Variants in PCDHA11 observed in about 807,000 individuals in gnomAD.
The protein encoded by PCDHA11 is protocadherin alpha 11.
In PCDHA11, 61 loss-of-function variants were observed where a neutral mutation model predicts 70.3. The ratio of observed to expected loss-of-function variants is 0.87; its 90% confidence interval spans 0.71 to 1.07. PCDHA11 has a LOEUF of 1.07. Ranked by LOEUF, PCDHA11 falls within the 50% of genes least tolerant of loss-of-function variation. The pLI is 0.00. For synonymous variants in PCDHA11, 633 were observed against 555.1 expected, an observed-to-expected ratio of 1.14 and a Z score of -1.97; for missense variants, 1,324 against 1,237.5, an observed-to-expected ratio of 1.07 and a Z score of -1.05.
chr5:140,925,395 GCCT>G (rs2082476248), intron 1 of PCDHA11, among the ~76,000 whole-genome samples: 1 of 151,998 alleles, frequency 6.6e-6, no homozygotes, highest in Non-Finnish European at 1.5e-5. Flanking sequence ...CTTTTGGCTC[GCCT>G]CCTTCTTAGG....
intron 1 of PCDHA11, among the ~76,000 whole-genome samples, chr5:140,890,446 T>A (rs1554184296): frequency 6.6e-6 from 1 of 152,228 alleles, no homozygotes; most frequent in Non-Finnish European, 1.5e-5. Context: ...CCTAGTGATA[T>A]CTTTAGGCAC....
chr5:140,870,468 A>G lies in PCDHA11; in HGVS notation c.1365A>G (p.Ala455=). The G allele has an allele frequency of 1.2e-6, 2 of 1,614,214 alleles. No homozygotes were observed. Among genetic ancestry groups the G allele is most frequent in the Non-Finnish European group, 8.5e-7 (1 of 1,180,044 alleles). ...TGAACGACAATGCGCCTGCGTTCGC[A>G]CAGCCCGAGTACACCGTGTTCGTGA... ...ADVNDNAPAF[A]QPEYTVFVKE... is the part of the protein sequence containing the mutation. The change falls in exon 1 of 4, where the codon GCA becomes GCG. Residue 455 remains alanine (A), a synonymous_variant. Coordinates refer to ENST00000398640, the MANE Select transcript of PCDHA11 (RefSeq NM_018902.5).
intron 1 of PCDHA11, among the ~76,000 whole-genome samples, chr5:140,940,808 T>C (rs781904662): frequency 3.3e-5 from 5 of 152,232 alleles, no homozygotes; most frequent in Non-Finnish European, 7.3e-5. Context: ...TGCCAGGATA[T>C]CCTGAGATCT....
intron 1 of PCDHA11, among the ~76,000 whole-genome samples, chr5:140,959,151 C>CAG (rs782425604): frequency 2.0e-4 from 30 of 152,084 alleles, no homozygotes; most frequent in African/African-American, 7.0e-4. Context: ...CCAAAGTGGG[C>CAG]AGATTGCTTG....
chr5:141,009,482 C>A, intron 3 of PCDHA11, 145 bp from the exon 4 acceptor site: 1 of 1,446,086 alleles, frequency 6.9e-7, no homozygotes, highest in Non-Finnish European at 9.1e-7. Flanking sequence ...TAAACACTTG[C>A]CTTGCCCTCA....
chr5:140,926,548 A>C, intron 1 of PCDHA11: 1 of 226,392 alleles, frequency 4.4e-6, no homozygotes, highest in Non-Finnish European at 8.5e-6. Flanking sequence ...GGTGGTCGAG[A>C]CCCCAGCCCG....
At chr5:140,876,750 T>C (rs2056553251) in intron 1 of PCDHA11, 7 of 1,614,238 alleles carry the variant, frequency 4.3e-6, no homozygotes, top group African/African-American at 1.3e-5. Flanking sequence ...TGGTGGTGAC[T>C]GCGCGGGATG....
intron 1 of PCDHA11, among the ~76,000 whole-genome samples, chr5:140,964,205 T>C (rs1483183685): frequency 6.6e-6 from 1 of 152,212 alleles, no homozygotes; most frequent in Admixed American, 6.5e-5. Context: ...TACCATCTCT[T>C]TAGTACAATG....
rs780758944 is a variant in PCDHA11 at position 140,904,284 on chromosome 5, T to G, written c.2391+32790T>G. Among the ~76,000 whole-genome samples the G allele has an allele frequency of 1.3e-3, 196 of 152,216 alleles. 3 individuals carry two copies. The highest frequency in any genetic ancestry group is 1.2e-3 in the Non-Finnish European group (83 of 68,010). ...CACTTATGAATGAGAACATGTGGTG[T>G]TTGGTTTTCCATTCCTGAGTTTCTT... On this transcript the variant is annotated intron_variant, in intron 1 of 3. Transcript: ENST00000398640.
At chr5:140,983,720 T>G (rs1563510266) in intron 3 of PCDHA11, among the ~76,000 whole-genome samples, 1 of 152,228 alleles carries the variant, frequency 6.6e-6, no homozygotes, top group Non-Finnish European at 1.5e-5. Context: ...AGCACTTATA[T>G]TCATAACATG....
intron 1 of PCDHA11, chr5:140,883,399 T>C (rs143292342): frequency 3.1e-5 from 50 of 1,614,100 alleles, no homozygotes; most frequent in Non-Finnish European, 4.1e-5. Flanking sequence ...TGTCCGATCG[T>C]GACTCTGGCT....
chr5:140,884,654 T>C, intron 1 of PCDHA11: 1 of 1,602,858 alleles, frequency 6.2e-7, no homozygotes, highest in South Asian at 1.1e-5. Context: ...CTCAGAATGC[T>C]TGAAAGAGGT....
chr5:140,871,061 A>T lies in PCDHA11; in HGVS notation c.1958A>T (p.His653Leu). ...RHRLLVLVKD[H>L]GEPALTATAT... ...CGACTTCTAGTACTGGTGAAGGATCACGGTGAGCCGGCGCTGACGGCCACG... is the reference window on the plus strand; with the variant it reads ...CGACTTCTAGTACTGGTGAAGGATCTCGGTGAGCCGGCGCTGACGGCCACG... The change falls in exon 1 of 4, where the codon CAC (histidine) becomes CTC (leucine). Residue 653 changes from histidine (H) to leucine (L), a missense_variant. By Grantham distance (99) the His-to-Leu change is moderately conservative. Coordinates refer to ENST00000398640, the MANE Select transcript of PCDHA11 (RefSeq NM_018902.5). 6.2e-7 allele frequency: 1 copy of T among 1,613,200 alleles called. No homozygotes were observed. Among genetic ancestry groups the T allele is most frequent in the South Asian group, 1.1e-5 (1 of 91,074 alleles).
chr5:140,920,640 T>C (rs1554199754), intron 1 of PCDHA11, among the ~76,000 whole-genome samples: 1 of 152,038 alleles, frequency 6.6e-6, no homozygotes, highest in African/African-American at 2.4e-5. Context: ...GGTCAAGAGA[T>C]TGAGACCATC....
chr5:140,923,459 G>T (rs549692824), intron 1 of PCDHA11, among the ~76,000 whole-genome samples: 6 of 152,192 alleles, frequency 3.9e-5, no homozygotes, highest in Admixed American at 3.9e-4. Flanking sequence ...GCCCAGAGAG[G>T]TAGGGGCTGC....
chr5:140,991,413 A>G (rs2097451025), intron 3 of PCDHA11, among the ~76,000 whole-genome samples: 1 of 152,228 alleles, frequency 6.6e-6, no homozygotes, highest in South Asian at 2.1e-4. Context: ...CCATTATGCT[A>G]TAACAAATTA....
intron 1 of PCDHA11, among the ~76,000 whole-genome samples, chr5:140,969,881 G>C (rs1554232131): frequency 6.6e-6 from 1 of 152,196 alleles, no homozygotes; most frequent in African/African-American, 2.4e-5. Flanking sequence ...CTATGTGATA[G>C]GATCCTCTGG....
At chr5:140,875,590 A>G (rs1554167782) in intron 1 of PCDHA11, 4 of 1,613,992 alleles carry the variant, frequency 2.5e-6, no homozygotes, top group Non-Finnish European at 3.4e-6. Flanking sequence ...CGAGGAGGCC[A>G]AACACGGCAC....
At chr5:140,995,543 G>T (rs1243799532) in intron 3 of PCDHA11, among the ~76,000 whole-genome samples, 1 of 152,144 alleles carries the variant, frequency 6.6e-6, no homozygotes, top group African/African-American at 2.4e-5. Flanking sequence ...AATAAGGGGC[G>T]ATCACTGTAC....
Sources: allele counts gnomAD v4.1 joint callset (sites outside exome capture counted in the v4.1 genomes callset), GRCh38; gene constraint gnomAD v4.1.1; transcripts MANE v1.5; gene names NCBI Gene and HGNC (gene_info 2026-07-23, HGNC 2026-07-21).